SLC9C1: variants seen among roughly 807,000 people sequenced by gnomAD.
The protein encoded by SLC9C1 is sodium/hydrogen exchanger 10.
SLC9C1 carries 97 observed loss-of-function variants against 140.9 expected under a neutral mutation model. The ratio of observed to expected loss-of-function variants is 0.69; its 90% CI spans 0.58 to 0.82. The LOEUF is 0.82. SLC9C1 is among the 40% of genes least tolerant of loss of function. The pLI is 0.00. For synonymous variants in SLC9C1, 440 were observed against 442.6 expected (o/e 0.99, Z 0.07); for missense variants, 1,340 against 1,389.3 (o/e 0.96, Z 0.56).
intron 10 of SLC9C1, among the ~76,000 whole-genome samples, chr3:112,245,969 A>G (rs142670601): frequency 6.6e-6 from 1 of 151,796 alleles, no homozygotes; most frequent in African/African-American, 2.4e-5. Context: ...TTTTTTTTGT[A>G]AGTCAGGTGT....
At chr3:112,178,435 C>T (rs1470791005) in intron 23 of SLC9C1, among the ~76,000 whole-genome samples, 2 of 152,144 alleles carry the variant, frequency 1.3e-5, no homozygotes, top group African/African-American at 4.8e-5. Flanking sequence ...CTACTCCATT[C>T]ACATTTTATG....
chr3:112,235,941 G>A (rs1253244618), intron 12 of SLC9C1, among the ~76,000 whole-genome samples: 1 of 152,092 alleles, frequency 6.6e-6, no homozygotes, highest in East Asian at 1.9e-4. Context: ...GTTTTTTGTT[G>A]TGTCTCTGCC....
chr3:112,182,894 C>T (rs2077464594), intron 20 of SLC9C1, among the ~76,000 whole-genome samples: 1 of 152,210 alleles, frequency 6.6e-6, no homozygotes, highest in South Asian at 2.1e-4. Flanking sequence ...ATTTGCTCAA[C>T]ATTTTGTTTC....
At chr3:112,245,972 T>C (rs1054603502) in intron 10 of SLC9C1, among the ~76,000 whole-genome samples, 8 of 152,134 alleles carry the variant, frequency 5.3e-5, no homozygotes, top group Non-Finnish European at 8.8e-5. Context: ...TTTTTGTAAG[T>C]CAGGTGTTCA....
chr3:112,246,533 A>G (rs1576438061), intron 10 of SLC9C1, among the ~76,000 whole-genome samples: 1 of 152,166 alleles, frequency 6.6e-6, no homozygotes, highest in Admixed American at 6.6e-5. Flanking sequence ...AAAACTAGGT[A>G]TGTTAGAAAG....
intron 10 of SLC9C1, among the ~76,000 whole-genome samples, chr3:112,246,896 C>T (rs1405444564): frequency 1.3e-5 from 2 of 152,148 alleles, no homozygotes; most frequent in Non-Finnish European, 2.9e-5. Flanking sequence ...AGAATACAGA[C>T]AGAGACTAGA....
chr3:112,287,243 G>C (rs1265754720), intron 1 of SLC9C1, among the ~76,000 whole-genome samples: 1 of 152,112 alleles, frequency 6.6e-6, no homozygotes, highest in African/African-American at 2.4e-5. Context: ...GACAACAAAG[G>C]GTTTTGTCCT....
At chr3:112,270,659 T>A (rs992530212) in intron 6 of SLC9C1, among the ~76,000 whole-genome samples, 4 of 152,084 alleles carry the variant, frequency 2.6e-5, no homozygotes, top group Non-Finnish European at 5.9e-5. Flanking sequence ...CTATTAAAAA[T>A]ACAAAAATTA....
At chr3:112,196,008 G>C (rs1314749065) in intron 20 of SLC9C1, among the ~76,000 whole-genome samples, 1 of 151,962 alleles carries the variant, frequency 6.6e-6, no homozygotes, top group Non-Finnish European at 1.5e-5. Context: ...TTCTTTATAA[G>C]GTTCTGAGTT....
chr3:112,176,002 T>C (rs2077329984), intron 23 of SLC9C1, among the ~76,000 whole-genome samples: 1 of 152,186 alleles, frequency 6.6e-6, no homozygotes, highest in Admixed American at 6.5e-5. Flanking sequence ...TAGGAGTAGG[T>C]ATAGGGATCT....
At chr3:112,159,563 T>C (rs1301549399) in intron 26 of SLC9C1, among the ~76,000 whole-genome samples, 8 of 152,110 alleles carry the variant, frequency 5.3e-5, no homozygotes, top group African/African-American at 1.9e-4. Context: ...ACTCTGTAAA[T>C]GTCTGTTAGG....
chr3:112,201,375 G>A (rs998368690), intron 18 of SLC9C1, among the ~76,000 whole-genome samples: 1 of 152,042 alleles, frequency 6.6e-6, no homozygotes, highest in African/African-American at 2.4e-5. Context: ...CTAAATATCA[G>A]TGGTTAGAAA....
intron 13 of SLC9C1, among the ~76,000 whole-genome samples, chr3:112,224,467 C>T (rs111550785): frequency 9.2e-5 from 14 of 151,976 alleles, no homozygotes; most frequent in African/African-American, 3.4e-4. Flanking sequence ...AGCAACTGGT[C>T]CCAAAGAAAT....
At chr3:112,278,944 GAGAA>G in intron 3 of SLC9C1, 87 bp from the exon 4 acceptor site, 1 of 1,351,038 alleles carries the variant, frequency 7.4e-7, no homozygotes, top group Non-Finnish European at 1.0e-6. Context: ...TCTAACAGTA[GAGAA>G]AGACAATTTT....
intron 1 of SLC9C1, among the ~76,000 whole-genome samples, chr3:112,288,818 C>T (rs1309945814): frequency 1.3e-5 from 2 of 152,048 alleles, no homozygotes; most frequent in African/African-American, 4.8e-5. Context: ...TGATGGGCTT[C>T]TGCTTGTAGG....
chr3:112,229,137 G>A (rs1373752256), intron 13 of SLC9C1, among the ~76,000 whole-genome samples: 1 of 152,056 alleles, frequency 6.6e-6, no homozygotes, highest in African/African-American at 2.4e-5. Flanking sequence ...CCTCATAGAA[G>A]TAGAGTAGAA....
At chr3:112,244,858 T>C (rs1559707343) in intron 10 of SLC9C1, among the ~76,000 whole-genome samples, 1 of 152,200 alleles carries the variant, frequency 6.6e-6, no homozygotes, top group South Asian at 2.1e-4. Flanking sequence ...AACTTTAAGA[T>C]ATTGGTACTC....
intron 25 of SLC9C1, 68 bp from the exon 26 acceptor site, chr3:112,167,415 G>A: frequency 6.8e-7 from 1 of 1,464,314 alleles, no homozygotes; most frequent in South Asian, 1.4e-5. Flanking sequence ...TACCTAGTAA[G>A]CTGCTATTTC....
At chr3:112,240,646 T>C (rs2108217941) in intron 11 of SLC9C1, among the ~76,000 whole-genome samples, 1 of 152,356 alleles carries the variant, frequency 6.6e-6, no homozygotes, top group Non-Finnish European at 1.5e-5. Flanking sequence ...CTTGTACCAT[T>C]GGCTCTTGGT....
Sources: allele counts gnomAD v4.1 joint callset (sites outside exome capture counted in the v4.1 genomes callset), GRCh38; gene constraint gnomAD v4.1.1; transcripts MANE v1.5; gene names NCBI Gene and HGNC (gene_info 2026-07-23, HGNC 2026-07-21).